Variants in SMAP1 observed in about 807,000 individuals in gnomAD.
The protein encoded by SMAP1 is small ArfGAP 1.
SMAP1 carries 24 observed loss-of-function variants against 58.5 expected under a neutral mutation model. The observed-to-expected ratio is 0.41, with a 90% CI of 0.30 to 0.58. The LOEUF (loss-of-function observed/expected upper bound fraction) is 0.58, where lower values mean the gene tolerates loss of function less well. Ranked by LOEUF, SMAP1 falls within the 20% of genes least tolerant of loss-of-function variation. SMAP1 has a pLI of 0.29. For missense variants in SMAP1, 563 were observed against 566.3 expected (o/e 0.99, Z 0.06); for synonymous variants, 216 against 196.6 (o/e 1.10, Z -0.82).
intron 1 of SMAP1, among the ~76,000 whole-genome samples, chr6:70,724,916 A>G (rs1419504786): frequency 6.6e-6 from 1 of 151,890 alleles, no homozygotes; most frequent in Non-Finnish European, 1.5e-5. Flanking sequence ...TGTATTTGCT[A>G]GGAGAAACCT....
chr6:70,780,686 T>A (rs1215729735), intron 4 of SMAP1, among the ~76,000 whole-genome samples: 1 of 152,242 alleles, frequency 6.6e-6, no homozygotes, highest in East Asian at 1.9e-4. Context: ...GTTTAAGAGA[T>A]ACAAGAGGAC....
intron 1 of SMAP1, among the ~76,000 whole-genome samples, chr6:70,692,916 T>C (rs1024380334): frequency 2.7e-4 from 41 of 152,146 alleles, no homozygotes; most frequent in African/African-American, 9.9e-4. Context: ...CCCGAGTAGC[T>C]GGGACTACAG....
At chr6:70,758,377 G>C (rs200064869) in intron 3 of SMAP1, among the ~76,000 whole-genome samples, 2 of 117,610 alleles carry the variant, frequency 1.7e-5, no homozygotes, top group African/African-American at 6.4e-5. Flanking sequence ...TGGTGGGGTG[G>C]GGGGAGGGGG....
intron 3 of SMAP1, among the ~76,000 whole-genome samples, chr6:70,769,220 A>C (rs1436140245): frequency 2.0e-5 from 3 of 152,164 alleles, no homozygotes; most frequent in African/African-American, 7.2e-5. Context: ...AAAAAAATGT[A>C]TATTCTGTTG....
chr6:70,855,422 G>T (rs1771375559), intron 8 of SMAP1, among the ~76,000 whole-genome samples: 1 of 152,196 alleles, frequency 6.6e-6, no homozygotes. Flanking sequence ...GCTCTACTAT[G>T]AGAGTGGAAT....
intron 1 of SMAP1, among the ~76,000 whole-genome samples, chr6:70,720,400 C>T (rs894634269): frequency 6.6e-6 from 1 of 152,200 alleles, no homozygotes; most frequent in Non-Finnish European, 1.5e-5. Flanking sequence ...TGGTGTTTAG[C>T]ATCTGTGGCT....
At chr6:70,794,788 CTTTTT>C (rs34050089) in intron 5 of SMAP1, among the ~76,000 whole-genome samples, 3 of 114,986 alleles carry the variant, frequency 2.6e-5, no homozygotes, top group Non-Finnish European at 1.8e-5. Context: ...ATTTTCTTTT[CTTTTT>C]TTTTTTTTTT....
intron 6 of SMAP1, among the ~76,000 whole-genome samples, chr6:70,821,313 C>T (rs1188581954): frequency 6.6e-6 from 1 of 152,002 alleles, no homozygotes; most frequent in African/African-American, 2.4e-5. Flanking sequence ...GAACATTCTT[C>T]TATTGTCTGT....
At chr6:70,785,144 G>A (rs1027792679) in intron 4 of SMAP1, among the ~76,000 whole-genome samples, 16 of 152,178 alleles carry the variant, frequency 1.1e-4, no homozygotes, top group African/African-American at 3.4e-4. Flanking sequence ...TCAGGATTAA[G>A]AAACTCACTC....
At chr6:70,782,029 A>G (rs1190344528) in intron 4 of SMAP1, among the ~76,000 whole-genome samples, 1 of 152,152 alleles carries the variant, frequency 6.6e-6, no homozygotes, top group Non-Finnish European at 1.5e-5. Flanking sequence ...CTGGATTTCT[A>G]CTGCGTATTA....
chr6:70,714,459 T>G (rs1463912058), intron 1 of SMAP1, among the ~76,000 whole-genome samples: 3 of 152,154 alleles, frequency 2.0e-5, no homozygotes, highest in Non-Finnish European at 4.4e-5. Flanking sequence ...CTTAACTTCT[T>G]TTCCATGCAG....
chr6:70,817,948 A>C (rs1256529834), intron 6 of SMAP1, among the ~76,000 whole-genome samples: 1 of 152,200 alleles, frequency 6.6e-6, no homozygotes. Flanking sequence ...GAAAAAGTGT[A>C]TCTCCAGACT....
chr6:70,678,166 TC>T (rs1766560948), intron 1 of SMAP1, among the ~76,000 whole-genome samples: 2 of 152,196 alleles, frequency 1.3e-5, no homozygotes, highest in African/African-American at 4.8e-5. Flanking sequence ...TAAAAGTAAT[TC>T]TAATAATCTT....
chr6:70,738,768 C>T (rs555801821), intron 2 of SMAP1, among the ~76,000 whole-genome samples: 11 of 152,008 alleles, frequency 7.2e-5, no homozygotes, highest in Admixed American at 2.6e-4. Flanking sequence ...AAATATTTTA[C>T]GGTAGCTTAA....
intron 3 of SMAP1, among the ~76,000 whole-genome samples, chr6:70,759,399 C>T (rs1240240007): frequency 6.6e-6 from 1 of 151,850 alleles, no homozygotes; most frequent in African/African-American, 2.4e-5. Flanking sequence ...TTTTAGGTGT[C>T]CCTTGAATAT....
chr6:70,700,194 A>C (rs1759496218), intron 1 of SMAP1, among the ~76,000 whole-genome samples: 2 of 152,180 alleles, frequency 1.3e-5, no homozygotes, highest in Non-Finnish European at 2.9e-5. Context: ...TATGGCCTGC[A>C]AGCACCTGCT....
chr6:70,745,326 A>G (rs1765984315), intron 2 of SMAP1, among the ~76,000 whole-genome samples: 1 of 152,212 alleles, frequency 6.6e-6, no homozygotes, highest in Non-Finnish European at 1.5e-5. Flanking sequence ...GTAAGTCTTT[A>G]ATCCATCTTG....
At chr6:70,736,957 A>G (rs989157881) in intron 2 of SMAP1, among the ~76,000 whole-genome samples, 21 of 152,094 alleles carry the variant, frequency 1.4e-4, no homozygotes, top group African/African-American at 2.2e-4. Context: ...AAAACTTTTT[A>G]TTTTCATTAA....
intron 6 of SMAP1, among the ~76,000 whole-genome samples, chr6:70,821,025 A>G (rs1365036200): frequency 6.6e-6 from 1 of 152,096 alleles, no homozygotes; most frequent in African/African-American, 2.4e-5. Flanking sequence ...TCCTTAGTAG[A>G]TATCACTCTA....
Sources: allele counts gnomAD v4.1 joint callset (sites outside exome capture counted in the v4.1 genomes callset), GRCh38; gene constraint gnomAD v4.1.1; transcripts MANE v1.5; gene names NCBI Gene and HGNC (gene_info 2026-07-23, HGNC 2026-07-21).